The following CARF variants were observed in gnomAD, a reference collection of about 807,000 sequenced individuals.
CARF encodes the protein calcium responsive transcription factor.
In CARF, 57 loss-of-function variants were observed where a neutral mutation model predicts 82.0. That is an observed-to-expected ratio of 0.70 (90% confidence interval 0.56 to 0.87). CARF has a LOEUF of 0.87. CARF is among the 40% of genes least tolerant of loss of function. The pLI is 0.00. For synonymous variants in CARF, 268 were observed against 290.1 expected, an observed-to-expected ratio of 0.92 and a Z score of 0.77; for missense variants, 771 against 855.8, an observed-to-expected ratio of 0.90 and a Z score of 1.24.
At chr2:202,942,691 T>C in intron 4 of CARF, 49 bp from the exon 5 acceptor site, 1 of 1,370,454 alleles carries the variant, frequency 7.3e-7, no homozygotes, top group Non-Finnish European at 9.9e-7. Flanking sequence ...TACACATCTT[T>C]AAAAAAAATG....
intron 11 of CARF, among the ~76,000 whole-genome samples, chr2:202,970,842 T>A (rs1447509761): frequency 1.3e-5 from 2 of 151,978 alleles, no homozygotes; most frequent in Non-Finnish European, 2.9e-5. Flanking sequence ...TAGTTCATTT[T>A]CCTACCGTCT....
intron 13 of CARF, among the ~76,000 whole-genome samples, chr2:202,975,194 G>A (rs956632648): frequency 1.5e-4 from 23 of 152,230 alleles, no homozygotes; most frequent in African/African-American, 4.8e-4. Flanking sequence ...AGTGGCTCAC[G>A]CCTGTAATCC....
At chr2:202,958,475 G>T (rs1157080738) in intron 8 of CARF, among the ~76,000 whole-genome samples, 1 of 152,090 alleles carries the variant, frequency 6.6e-6, no homozygotes, top group Non-Finnish European at 1.5e-5. Context: ...AGTGCATTGT[G>T]TGGCTTACCT....
chr2:202,953,635 C>A (rs1265696383), intron 6 of CARF, among the ~76,000 whole-genome samples: 1 of 147,688 alleles, frequency 6.8e-6, no homozygotes, highest in African/African-American at 2.5e-5. Flanking sequence ...TGTTATCATT[C>A]TTTGTTAATA....
rs756752645 is a variant in CARF, at chr2:202,931,192, G to A, written c.-44+6777G>A. Among the ~76,000 whole-genome samples the A allele has an allele frequency of 1.0e-3, 156 of 151,882 alleles. 2 individuals carry two copies. The highest frequency in any genetic ancestry group is 3.5e-4 in the Non-Finnish European group (24 of 67,926). The stretch of plus-strand genomic sequence containing the variant: ...TCTCCATGTTGGCCAGGCTGGTCTC[G>A]AACTCTCGACCTTAGGTTATCCGCC... On this transcript the variant is annotated intron_variant, in intron 3 of 16. Transcript: ENST00000438828.
In CARF at chr2:202,970,529, A is replaced by C. The variant is rs1360623817; in HGVS notation, c.1097+467A>C. Among the ~76,000 whole-genome samples the C allele has an allele frequency of 2.0e-5, 3 of 152,200 alleles. No individual in the cohort carries two copies. The East Asian group carries it at 5.8e-4, about 29-fold the overall frequency. ...ACACCTTTTATGCTTTAGGTTTTAA[A>C]TGTGAAATATTAGCATTCTTTTTTA... is the stretch of plus-strand genomic sequence containing the variant. On this transcript the variant is annotated intron_variant, in intron 11 of 16. Coordinates refer to ENST00000438828, the MANE Select transcript of CARF (RefSeq NM_024744.17).
intron 3 of CARF, among the ~76,000 whole-genome samples, chr2:202,940,763 A>T (rs778663160): frequency 2.9e-4 from 44 of 152,060 alleles, no homozygotes; most frequent in Non-Finnish European, 5.7e-4. Context: ...ACCCTTGGGG[A>T]AAGTTTCCTC....
intron 3 of CARF, among the ~76,000 whole-genome samples, chr2:202,929,173 G>A (rs1474922470): frequency 1.3e-5 from 2 of 152,118 alleles, no homozygotes; most frequent in African/African-American, 4.8e-5. Flanking sequence ...TGCTTGTTTA[G>A]TTTGCTGTAC....
At chr2:202,945,482 GA>G (rs2058452973) in intron 5 of CARF, among the ~76,000 whole-genome samples, 1 of 151,590 alleles carries the variant, frequency 6.6e-6, no homozygotes, top group South Asian at 2.1e-4. Context: ...CTCTCAAGTA[GA>G]CCCCATTGTC....
At chr2:202,959,962 G>A (rs898580459) in intron 8 of CARF, among the ~76,000 whole-genome samples, 7 of 151,964 alleles carry the variant, frequency 4.6e-5, no homozygotes, top group South Asian at 2.1e-4. Context: ...CAAAAAATAC[G>A]TAAAATATAT....
intron 12 of CARF, among the ~76,000 whole-genome samples, chr2:202,972,830 C>T (rs950015065): frequency 6.6e-6 from 1 of 152,140 alleles, no homozygotes; most frequent in African/African-American, 2.4e-5. Context: ...TAGTAAGCCC[C>T]CTCTTAAAGG....
At chr2:202,982,498 TATATTATA>T in intron 16 of CARF, 57 bp downstream of exon 16, 1 of 1,554,626 alleles carries the variant, frequency 6.4e-7, no homozygotes, top group South Asian at 1.2e-5. Context: ...TTATCATCAC[TATATTATA>T]CTATAGATAA....
In CARF at chr2:202,984,633, T is replaced by C. The variant is rs1559294222; in HGVS notation, c.*1009T>C. ...AGTATTTTAAGGTAAGTATTTATAGTTTAAAATTTAGTTTATATTTAAAAC... is the reference window on the plus strand; with the variant it reads ...AGTATTTTAAGGTAAGTATTTATAGCTTAAAATTTAGTTTATATTTAAAAC... On this transcript the variant is annotated 3_prime_UTR_variant, in exon 17 of 17. Transcript: ENST00000438828. 6.6e-6 allele frequency: 1 copy of C among 152,200 alleles called. No individual in the cohort carries two copies. The highest frequency in any genetic ancestry group is 1.5e-5 in the Non-Finnish European group (1 of 68,022). The allele number at this position is 152,200 out of a possible 1,614,324, so 9.4% of individuals were successfully genotyped here. A position where few individuals can be genotyped will look rare whatever the true frequency, so the allele number is the denominator to read the frequency against.
At chr2:202,961,170 T>A in intron 8 of CARF, 67 bp from the exon 9 acceptor site, 1 of 1,293,170 alleles carries the variant, frequency 7.7e-7, no homozygotes, top group Non-Finnish European at 1.1e-6. Context: ...TGGACAACCA[T>A]CTCATTACAT....
At chr2:202,953,498 G>GTTGTT (rs772493519) in intron 6 of CARF, among the ~76,000 whole-genome samples, 33 of 70,294 alleles carry the variant, frequency 4.7e-4, no homozygotes, top group South Asian at 6.8e-4. Context: ...TTTTTTTGTT[G>GTTGTT]TTTTTTTTTT....
intron 8 of CARF, among the ~76,000 whole-genome samples, chr2:202,957,902 C>T (rs1448101327): frequency 1.3e-5 from 2 of 151,646 alleles, no homozygotes; most frequent in Admixed American, 6.6e-5. Context: ...GCCAACATCA[C>T]GCCACTGCAT....
intron 1 of CARF, among the ~76,000 whole-genome samples, chr2:202,914,943 A>G (rs1689331980): frequency 6.6e-6 from 1 of 152,046 alleles, no homozygotes; most frequent in African/African-American, 2.4e-5. Flanking sequence ...TGAAAATTAA[A>G]AAGTGCTTTT....
At chr2:202,964,800 G>T (rs967338494) in intron 9 of CARF, among the ~76,000 whole-genome samples, 1 of 150,292 alleles carries the variant, frequency 6.7e-6, no homozygotes. Flanking sequence ...CATTCCATCT[G>T]TAATTACTAA....
intron 5 of CARF, among the ~76,000 whole-genome samples, chr2:202,943,587 T>TACACACACACACACACACACACAC (rs754214990): frequency 1.1e-4 from 13 of 115,180 alleles, no homozygotes; most frequent in African/African-American, 3.2e-4. Flanking sequence ...TAATGGAATG[T>TACACACACACACACACACACACAC]ACACACACAC....
Sources: allele counts gnomAD v4.1 joint callset (sites outside exome capture counted in the v4.1 genomes callset), GRCh38; gene constraint gnomAD v4.1.1; transcripts MANE v1.5; gene names NCBI Gene and HGNC (gene_info 2026-07-23, HGNC 2026-07-21).